Variants in RELN observed in about 807,000 individuals in gnomAD.
RELN encodes reelin.
A neutral mutation model predicts 427.6 loss-of-function variants in RELN; 108 were observed. The ratio of observed to expected loss-of-function variants is 0.25; its 90% CI spans 0.22 to 0.30. The LOEUF (loss-of-function observed/expected upper bound fraction) is 0.30. Among genes scored for constraint, RELN ranks in the 10% least tolerant of loss-of-function variants. RELN has a pLI of 1.00. For synonymous variants in RELN, 1,524 were observed against 1,513.4 expected (o/e 1.01, Z -0.16); for missense variants, 3,715 against 4,302.8 (o/e 0.86, Z 3.82).
At chr7:103,729,834 T>C (rs765894070) in intron 6 of RELN, among the ~76,000 whole-genome samples, 6 of 152,144 alleles carry the variant, frequency 3.9e-5, no homozygotes, top group Non-Finnish European at 7.4e-5. Context: ...GTAGGCATGA[T>C]ATAAGTGTTA....
intron 24 of RELN, among the ~76,000 whole-genome samples, chr7:103,600,849 T>C (rs1831649582): frequency 1.3e-5 from 2 of 152,210 alleles, no homozygotes. Context: ...TTGGAATTTA[T>C]TGTCATAAAA....
rs1406799396 is a variant in RELN at position 103,876,525 on chromosome 7, T to C, written c.337+40550A>G. On this transcript the variant is annotated intron_variant, in intron 2 of 64. Transcript: ENST00000428762. ...AAATATGTTATTACTAACATTAAGC[T>C]TTTATTGCTCTTGTTTCTTCTATTG... Among the ~76,000 whole-genome samples the C allele has an allele frequency of 3.3e-5, 5 of 152,206 alleles. No homozygotes were observed. In the East Asian group the frequency reaches 9.6e-4, roughly 29 times the overall value.
At chr7:103,980,841 G>A (rs1333197065) in intron 1 of RELN, among the ~76,000 whole-genome samples, 1 of 152,100 alleles carries the variant, frequency 6.6e-6, no homozygotes, top group Non-Finnish European at 1.5e-5. Flanking sequence ...TGAAATTGGA[G>A]TGTAAATCCA....
intron 3 of RELN, among the ~76,000 whole-genome samples, chr7:103,807,775 C>T (rs1036187903): frequency 6.6e-6 from 1 of 152,148 alleles, no homozygotes; most frequent in African/African-American, 2.4e-5. Flanking sequence ...ACCCATGTTG[C>T]TGCAAAGGGC....
Position 103,749,542 on chromosome 7 carries a change from T to C in RELN, c.578-38A>G, listed in dbSNP as rs376316378. 11 of 1,390,552 alleles carry C rather than the reference T, an allele frequency of 7.9e-6. No individual in the cohort carries two copies. The African/African-American group carries it at 1.6e-4, about 20-fold the overall frequency. 86.1% of individuals were successfully genotyped at this position (1,390,552 alleles called of 1,614,324 possible). ...GGAAGTATTTAGGAAAGAAATATAC[T>C]ACAACAGTACATTTAGCTAAACACA... On this transcript the variant is annotated intron_variant, in intron 5 of 64. Coordinates refer to ENST00000428762, the MANE Select transcript of RELN (RefSeq NM_005045.4).
chr7:103,571,680 C>T (rs543515272), intron 31 of RELN, among the ~76,000 whole-genome samples: 2 of 152,218 alleles, frequency 1.3e-5, no homozygotes, highest in East Asian at 3.9e-4. Context: ...CAGTAAAACA[C>T]GTGGGATAGT....
rs185804120 is a variant in RELN, at chr7:103,963,922, G to T, written c.226+25209C>A. Among the ~76,000 whole-genome samples, 13 of 152,234 alleles carry T rather than the reference G, an allele frequency of 8.5e-5. No individual in the cohort carries two copies. The East Asian group carries it at 2.5e-3, about 29-fold the overall frequency. The stretch of plus-strand genomic sequence containing the variant: ...TCATGTCTGTAATCCCAACACTTTG[G>T]AAAGTTGAAGCGAGAGGACAGCTTG... On this transcript the variant is annotated intron_variant, in intron 1 of 64. Coordinates refer to ENST00000428762, the MANE Select transcript of RELN (RefSeq NM_005045.4).
At chr7:103,476,989 C>T (rs1828058868) in intron 64 of RELN, among the ~76,000 whole-genome samples, 2 of 152,140 alleles carry the variant, frequency 1.3e-5, no homozygotes, top group Admixed American at 6.5e-5. Context: ...TCAGCTATGC[C>T]ACTTGACATA....
intron 2 of RELN, among the ~76,000 whole-genome samples, chr7:103,838,794 T>C (rs1563043321): frequency 6.6e-6 from 1 of 152,192 alleles, no homozygotes; most frequent in African/African-American, 2.4e-5. Flanking sequence ...TCAAAACCCC[T>C]CTTCAAAAAT....
At chr7:103,967,622 T>A (rs972002600) in intron 1 of RELN, among the ~76,000 whole-genome samples, 1 of 152,208 alleles carries the variant, frequency 6.6e-6, no homozygotes, top group African/African-American at 2.4e-5. Context: ...GCCTCTATCA[T>A]GTGAGCAAGG....
chr7:103,622,022 A>T (rs1328402802), intron 20 of RELN, among the ~76,000 whole-genome samples: 2 of 152,200 alleles, frequency 1.3e-5, no homozygotes, highest in Non-Finnish European at 2.9e-5. Flanking sequence ...TCTCAAAAAA[A>T]TAAAAATAAA....
At chr7:103,916,116 T>C (rs1401817792) in intron 2 of RELN, among the ~76,000 whole-genome samples, 1 of 152,126 alleles carries the variant, frequency 6.6e-6, no homozygotes, top group South Asian at 2.1e-4. Flanking sequence ...GTGGACCTCA[T>C]CTTGGGCAAG....
intron 1 of RELN, among the ~76,000 whole-genome samples, chr7:103,949,677 C>T (rs561977213): frequency 2.6e-5 from 4 of 152,200 alleles, no homozygotes; most frequent in South Asian, 4.1e-4. Context: ...GGAACTAAGA[C>T]GCCTGTTCAA....
At chr7:103,880,381 GATC>G (rs1794579031) in intron 2 of RELN, among the ~76,000 whole-genome samples, 2 of 152,244 alleles carry the variant, frequency 1.3e-5, no homozygotes, top group East Asian at 1.9e-4. Context: ...CTGTGATGCA[GATC>G]ATGAGTCATT....
At chr7:103,561,791 A>T (rs544202064) in intron 35 of RELN, 22 bp downstream of exon 35, 1 of 1,613,920 alleles carries the variant, frequency 6.2e-7, no homozygotes, top group Admixed American at 1.7e-5. Context: ...AAAGAAAGAA[A>T]CTGTCAGTTT....
chr7:103,485,325 T>C (rs965737381), intron 61 of RELN, among the ~76,000 whole-genome samples: 1 of 151,778 alleles, frequency 6.6e-6, no homozygotes, highest in African/African-American at 2.4e-5. Flanking sequence ...GTTTATCATA[T>C]GAAGGGCCCC....
At chr7:103,710,873 G>A (rs556000592) in intron 8 of RELN, among the ~76,000 whole-genome samples, 6 of 152,144 alleles carry the variant, frequency 3.9e-5, no homozygotes, top group African/African-American at 1.2e-4. Context: ...GTGAAACCCC[G>A]TCTCAACTAA....
At chr7:103,546,883 T>C (rs1830308595) in intron 41 of RELN, among the ~76,000 whole-genome samples, 1 of 152,228 alleles carries the variant, frequency 6.6e-6, no homozygotes, top group South Asian at 2.1e-4. Context: ...CAGAATCTGA[T>C]GTATTTTTAG....
At chr7:103,918,851 T>C (rs906694306) in intron 1 of RELN, among the ~76,000 whole-genome samples, 1 of 152,126 alleles carries the variant, frequency 6.6e-6, no homozygotes, top group Admixed American at 6.6e-5. Flanking sequence ...GACAGATCAA[T>C]GCAGAGAGAA....
Sources: gnomAD v4.1 joint callset for allele counts (sites outside exome capture counted in the v4.1 genomes callset) on GRCh38, gnomAD v4.1.1 for gene constraint, MANE v1.5 for transcripts, NCBI Gene and HGNC (gene_info 2026-07-23, HGNC 2026-07-21) for gene names.